The following RBMS3 variants were observed in gnomAD, a reference collection of about 807,000 sequenced individuals.
RBMS3 encodes RNA binding motif single stranded interacting protein 3, also known as RNA-binding motif, single-stranded-interacting protein 3.
Under a neutral mutation model 66.8 loss-of-function variants are expected in RBMS3, and 27 were observed. That is an observed-to-expected ratio of 0.40 (90% confidence interval 0.30 to 0.56). The LOEUF (loss-of-function observed/expected upper bound fraction) is 0.56, where lower values mean the gene tolerates loss of function less well. Ranked by LOEUF, RBMS3 falls within the 20% of genes least tolerant of loss-of-function variation. RBMS3 has a pLI of 0.40. For synonymous variants in RBMS3, 188 were observed against 183.0 expected (o/e 1.03, Z -0.22); for missense variants, 513 against 549.5 (o/e 0.93, Z 0.66).
At chr3:29,535,162 T>C (rs575735787) in intron 3 of RBMS3, among the ~76,000 whole-genome samples, 1 of 152,252 alleles carries the variant, frequency 6.6e-6, no homozygotes, top group African/African-American at 2.4e-5. Context: ...TTTTTACCAA[T>C]TTTCCTTAGG....
intron 6 of RBMS3, among the ~76,000 whole-genome samples, chr3:29,804,717 TTTC>T (rs1674866264): frequency 6.6e-6 from 1 of 152,104 alleles, no homozygotes; most frequent in South Asian, 2.1e-4. Flanking sequence ...CTATTTCTAA[TTTC>T]TTCCTTGTCA....
chr3:29,580,681 A>ATAT (rs1491437965), intron 3 of RBMS3, among the ~76,000 whole-genome samples: 1 of 133,220 alleles, frequency 7.5e-6, no homozygotes, highest in Non-Finnish European at 1.6e-5. Flanking sequence ...AAATTTAATA[A>ATAT]TATAATAATA....
chr3:29,808,429 G>A (rs2057625283), intron 6 of RBMS3, among the ~76,000 whole-genome samples: 1 of 151,886 alleles, frequency 6.6e-6, no homozygotes, highest in Admixed American at 6.6e-5. Flanking sequence ...ACCTTCTAAA[G>A]CCAAGTGACA....
intron 12 of RBMS3, among the ~76,000 whole-genome samples, chr3:29,982,982 G>T (rs572253746): frequency 6.6e-6 from 1 of 152,270 alleles, no homozygotes; most frequent in East Asian, 1.9e-4. Flanking sequence ...CTGTCTCATT[G>T]ATCTGTCTAA....
chr3:29,546,729 G>T (rs1372984911), intron 3 of RBMS3, among the ~76,000 whole-genome samples: 1 of 152,108 alleles, frequency 6.6e-6, no homozygotes, highest in Admixed American at 6.5e-5. Flanking sequence ...TACAGAAATT[G>T]CTACTTAGGA....
intron 3 of RBMS3, among the ~76,000 whole-genome samples, chr3:29,530,776 G>A (rs1482974677): frequency 6.6e-6 from 1 of 151,738 alleles, no homozygotes; most frequent in African/African-American, 2.4e-5. Context: ...GAAGGCTGAG[G>A]CAGGAGAATT....
At position 29,671,600 on chromosome 3, in the gene RBMS3, A is replaced by G. The variant is rs572918759; in HGVS notation, c.400-68120A>G. The stretch of plus-strand genomic sequence containing the variant: ...GAGAAGACCTTAAATGACCTGACAG[A>G]GTTGAAAACCATGGCACAAGAACTA... On this transcript the variant is annotated intron_variant, in intron 4 of 14. Transcript: ENST00000383767. Among the ~76,000 whole-genome samples, 87 of 152,374 alleles carry G rather than the reference A, an allele frequency of 5.7e-4. 1 individual carries two copies. Among genetic ancestry groups the G allele is most frequent in the African/African-American group, 2.0e-3 (85 of 41,594 alleles).
intron 4 of RBMS3, among the ~76,000 whole-genome samples, chr3:29,589,496 T>A (rs1486801682): frequency 6.6e-6 from 1 of 152,138 alleles, no homozygotes; most frequent in Non-Finnish European, 1.5e-5. Flanking sequence ...CTTATTCTCT[T>A]AGCTTTAGAC....
intron 6 of RBMS3, among the ~76,000 whole-genome samples, chr3:29,836,323 A>G (rs1261846375): frequency 2.0e-5 from 3 of 152,110 alleles, no homozygotes; most frequent in African/African-American, 7.2e-5. Flanking sequence ...AGAAAATTTC[A>G]GGTCAATATC....
At chr3:29,481,006 G>C (rs904119532) in intron 2 of RBMS3, among the ~76,000 whole-genome samples, 1 of 152,140 alleles carries the variant, frequency 6.6e-6, no homozygotes, top group African/African-American at 2.4e-5. Context: ...CTCTGTAGCT[G>C]GTCTGTCTGA....
chr3:29,904,727 A>G (rs2060335199), intron 10 of RBMS3, among the ~76,000 whole-genome samples: 1 of 151,936 alleles, frequency 6.6e-6, no homozygotes, highest in Admixed American at 6.6e-5. Flanking sequence ...GGTAATCTCA[A>G]GTTTTAAATA....
intron 4 of RBMS3, among the ~76,000 whole-genome samples, chr3:29,609,912 G>A (rs572769605): frequency 6.6e-6 from 1 of 152,108 alleles, no homozygotes; most frequent in Admixed American, 6.6e-5. Flanking sequence ...CCAAGTCAAA[G>A]AATTATTAAT....
intron 2 of RBMS3, among the ~76,000 whole-genome samples, chr3:29,455,239 ATCTCT>A (rs1440818090): frequency 6.6e-6 from 1 of 152,048 alleles, no homozygotes; most frequent in Non-Finnish European, 1.5e-5. Context: ...ATACATTTTC[ATCTCT>A]TCTGTTAGCC....
intron 3 of RBMS3, among the ~76,000 whole-genome samples, chr3:29,563,722 G>A (rs1355626415): frequency 6.6e-6 from 1 of 152,090 alleles, no homozygotes; most frequent in East Asian, 1.9e-4. Context: ...ATAATTGGAT[G>A]TATATTTAAT....
chr3:29,513,487 T>C (rs1257910664), intron 3 of RBMS3, among the ~76,000 whole-genome samples: 1 of 152,158 alleles, frequency 6.6e-6, no homozygotes, highest in African/African-American at 2.4e-5. Context: ...GGAAGTTGTA[T>C]GGTCACAATA....
intron 4 of RBMS3, among the ~76,000 whole-genome samples, chr3:29,677,656 C>G (rs1332432569): frequency 6.6e-6 from 1 of 152,052 alleles, no homozygotes; most frequent in Non-Finnish European, 1.5e-5. Flanking sequence ...GGCATTTTTC[C>G]AGTTTTACTG....
At chr3:29,833,670 A>C (rs1316292231) in intron 6 of RBMS3, among the ~76,000 whole-genome samples, 4 of 152,280 alleles carry the variant, frequency 2.6e-5, no homozygotes, top group East Asian at 1.9e-4. Flanking sequence ...CAAATGAACA[A>C]AACCTACAAC....
intron 3 of RBMS3, among the ~76,000 whole-genome samples, chr3:29,516,377 A>G (rs1459773947): frequency 6.6e-6 from 1 of 152,238 alleles, no homozygotes; most frequent in African/African-American, 2.4e-5. Flanking sequence ...ACAGAAGTTG[A>G]TGAAATCACT....
At chr3:29,340,550 G>C (rs376239807) in intron 1 of RBMS3, among the ~76,000 whole-genome samples, 33 of 152,108 alleles carry the variant, frequency 2.2e-4, no homozygotes, top group African/African-American at 7.5e-4. Flanking sequence ...ATTCTTTATA[G>C]CGTCAGTTCC....
Sources: gnomAD v4.1 joint callset for allele counts (sites outside exome capture counted in the v4.1 genomes callset) on GRCh38, gnomAD v4.1.1 for gene constraint, MANE v1.5 for transcripts, NCBI Gene and HGNC (gene_info 2026-07-23, HGNC 2026-07-21) for gene names.